SRGAP3: variants seen among roughly 807,000 people sequenced by gnomAD.
SRGAP3 encodes SLIT-ROBO Rho GTPase-activating protein 3.
In SRGAP3, 39 loss-of-function variants were observed where a neutral mutation model predicts 121.1. That is an observed-to-expected ratio of 0.32 (90% CI 0.25 to 0.42). SRGAP3 has a LOEUF of 0.42. SRGAP3 is among the 10% of genes least tolerant of loss of function. The pLI, the probability that SRGAP3 is intolerant of heterozygous loss-of-function variation, is 1.00. For missense variants in SRGAP3, 1,213 were observed against 1,470.6 expected (o/e 0.82, Z 2.86); for synonymous variants, 601 against 570.0 (o/e 1.05, Z -0.77).
intron 3 of SRGAP3, among the ~76,000 whole-genome samples, chr3:9,303,062 T>C (rs762459742): frequency 4.2e-4 from 64 of 150,718 alleles, no homozygotes; most frequent in Admixed American, 1.7e-3. Flanking sequence ...TAACACTGCC[T>C]CGATTTTTTC....
chr3:9,014,421 A>G (rs1432961368), intron 15 of SRGAP3: 2 of 160,794 alleles, frequency 1.2e-5, no homozygotes, highest in African/African-American at 4.8e-5. Flanking sequence ...TGCTCAGGAA[A>G]TGAACATCGA....
intron 1 of SRGAP3, among the ~76,000 whole-genome samples, chr3:9,361,006 G>A (rs1247995165): frequency 2.0e-5 from 3 of 152,074 alleles, no homozygotes; most frequent in East Asian, 1.9e-4. Flanking sequence ...TGATTAATTT[G>A]CAATTCCCTA....
intron 1 of SRGAP3, among the ~76,000 whole-genome samples, chr3:9,242,095 A>G (rs1953665673): frequency 6.6e-6 from 1 of 150,588 alleles, no homozygotes; most frequent in Non-Finnish European, 1.5e-5. Context: ...AAAAAAAAAA[A>G]AAAAGAGGAA....
chr3:9,080,061 G>C lies in SRGAP3; in HGVS notation c.450C>G (p.His150Gln). ...KKSKEIGLQM[H>Q]EELLKVTNEL... ...CATTGGTCACCTTCAGGAGCTCCTC[G>C]TGCATCTGCAGGCCAATCTCCTTGC... The change falls in exon 4 of 22, where the codon CAC (histidine) becomes CAG (glutamine). Residue 150 changes from histidine to glutamine, a missense_variant. Physicochemically the swap from His to Gln is conservative, Grantham distance 24. This residue lies in a region of SRGAP3 where 793 missense variants were observed against 1,032.9 expected (regional missense o/e 0.77). Coordinates refer to ENST00000383836, the MANE Select transcript of SRGAP3 (RefSeq NM_014850.4). 5.6e-6 allele frequency: 9 copies of C among 1,613,774 alleles called. No individual in the cohort carries two copies. The highest frequency in any genetic ancestry group is 7.6e-6 in the Non-Finnish European group (9 of 1,179,942).
chr3:9,145,377 C>T (rs921038045), intron 1 of SRGAP3, among the ~76,000 whole-genome samples: 7 of 152,234 alleles, frequency 4.6e-5, no homozygotes, highest in East Asian at 3.9e-4. Context: ...ATTATAGGCA[C>T]GAGCCACTGC....
intron 10 of SRGAP3, among the ~76,000 whole-genome samples, chr3:9,041,391 C>T (rs1945005050): frequency 6.6e-6 from 1 of 152,212 alleles, no homozygotes; most frequent in South Asian, 2.1e-4. Flanking sequence ...TCAGGGATGC[C>T]ACACATTAGA....
At chr3:9,084,371 A>G (rs1947369335) in intron 3 of SRGAP3, among the ~76,000 whole-genome samples, 1 of 152,174 alleles carries the variant, frequency 6.6e-6, no homozygotes, top group Non-Finnish European at 1.5e-5. Context: ...GATGGAAGAG[A>G]AAGACTTCTG....
At chr3:9,263,436 GC>G (rs1217300615) in intron 3 of SRGAP3, among the ~76,000 whole-genome samples, 1 of 151,988 alleles carries the variant, frequency 6.6e-6, no homozygotes, top group African/African-American at 2.4e-5. Context: ...CCAGGAGCTA[GC>G]TTTTTTGAAA....
At chr3:9,204,503 A>T (rs192531915) in intron 1 of SRGAP3, among the ~76,000 whole-genome samples, 6 of 152,352 alleles carry the variant, frequency 3.9e-5, no homozygotes, top group African/African-American at 1.4e-4. Context: ...AGCTCCCTGC[A>T]GATCTTATCC....
intron 8 of SRGAP3, among the ~76,000 whole-genome samples, chr3:9,054,635 C>A (rs1945733007): frequency 6.6e-6 from 1 of 152,166 alleles, no homozygotes; most frequent in South Asian, 2.1e-4. Context: ...GTATTACAGG[C>A]CATTGTTCAC....
rs1024012026 is a variant in SRGAP3, at chr3:9,086,614, C to T, written c.424-6527G>A. Among the ~76,000 whole-genome samples, 7 of 147,244 alleles carry T rather than the reference C, an allele frequency of 4.8e-5. No homozygotes were observed. The South Asian group carries it at 1.5e-3, about 32-fold the overall frequency. ...ATATATATAGGTACACACATATCTA[C>T]ATAAATATACACATATATACACCCA... On this transcript the variant is annotated intron_variant, in intron 3 of 21. Transcript: ENST00000383836.
chr3:9,187,421 C>T (rs964701798), intron 1 of SRGAP3, among the ~76,000 whole-genome samples: 4 of 152,112 alleles, frequency 2.6e-5, no homozygotes, highest in African/African-American at 7.2e-5. Context: ...CACGCCCAGA[C>T]GCTGTGCTGA....
chr3:9,143,087 G>A (rs1325230030), intron 1 of SRGAP3, among the ~76,000 whole-genome samples: 2 of 152,018 alleles, frequency 1.3e-5, no homozygotes, highest in Non-Finnish European at 2.9e-5. Flanking sequence ...CGATCCTCCT[G>A]CCTCAGTCTC....
At chr3:9,222,842 C>T (rs905960180) in intron 1 of SRGAP3, among the ~76,000 whole-genome samples, 19 of 152,150 alleles carry the variant, frequency 1.2e-4, no homozygotes, top group African/African-American at 3.6e-4. Flanking sequence ...TTGCCCCTTC[C>T]GCTTCTTGTA....
chr3:9,031,570 C>T (rs540031577), intron 12 of SRGAP3, among the ~76,000 whole-genome samples: 1 of 152,188 alleles, frequency 6.6e-6, no homozygotes, highest in Non-Finnish European at 1.5e-5. Flanking sequence ...ACTCAGCCCA[C>T]AGGCAGAGAC....
intron 3 of SRGAP3, among the ~76,000 whole-genome samples, chr3:9,095,299 A>G (rs1301125977): frequency 6.6e-6 from 1 of 151,966 alleles, no homozygotes; most frequent in African/African-American, 2.4e-5. Context: ...AAATTAATCA[A>G]TATTTTCTTT....
At chr3:9,247,393 C>T (rs2125245784) in intron 1 of SRGAP3, among the ~76,000 whole-genome samples, 1 of 152,270 alleles carries the variant, frequency 6.6e-6, no homozygotes, top group South Asian at 2.1e-4. Flanking sequence ...GCTCCTCTTG[C>T]CCTAGGATAT....
At chr3:9,223,509 C>T (rs748799413) in intron 1 of SRGAP3, among the ~76,000 whole-genome samples, 24 of 152,218 alleles carry the variant, frequency 1.6e-4, no homozygotes, top group Admixed American at 6.5e-4. Context: ...GAGCCCTTTG[C>T]TCAGCACACA....
rs145213265 is a variant in SRGAP3 at position 9,092,961 on chromosome 3, T to TTC, written c.423+11717_423+11718dup. On this transcript the variant is annotated intron_variant, in intron 3 of 21. Transcript: ENST00000383836. ...CTGATGTCGATGTTTTATATACATA[T>TTC]TCTCTCTCTCTCTCTCTCTCTAAGA... 7.0e-3 allele frequency among the ~76,000 whole-genome samples: 1,052 copies of TTC among 149,868 alleles called. 7 individuals are homozygous for TTC. The highest frequency in any genetic ancestry group is 0.015 in the South Asian group (70 of 4,720).
Sources: allele counts gnomAD v4.1 joint callset (sites outside exome capture counted in the v4.1 genomes callset), GRCh38; gene constraint gnomAD v4.1.1; regional missense constraint gnomAD v4.1.1; transcripts MANE v1.5; gene names NCBI Gene and HGNC (gene_info 2026-07-23, HGNC 2026-07-21).